Variants in KCNH1 observed in about 807,000 individuals in gnomAD.
The protein encoded by KCNH1 is potassium voltage-gated channel subfamily H member 1.
In KCNH1, 27 loss-of-function variants were observed where a neutral mutation model predicts 69.2. That is an observed-to-expected ratio of 0.39 (90% CI 0.29 to 0.54). The LOEUF is 0.54. Among genes scored for constraint, KCNH1 ranks in the 20% least tolerant of loss-of-function variants. The probability of loss-of-function intolerance (pLI) is 0.68; values close to 1 mark genes in which losing one functional copy is unlikely to be tolerated. For synonymous variants in KCNH1, 456 were observed against 487.7 expected (o/e 0.93, Z 0.86); for missense variants, 798 against 1,261.6 (o/e 0.63, Z 5.57).
chr1:210,734,581 G>A lies in KCNH1; in HGVS notation c.2112+40767C>T, dbSNP rs140456073. Among the ~76,000 whole-genome samples the A allele has an allele frequency of 3.3e-5, 5 of 152,220 alleles. No homozygotes were observed. In the East Asian group the frequency reaches 9.7e-4, roughly 29 times the overall value. On this transcript the variant is annotated intron_variant, in intron 10 of 10. Transcript: ENST00000271751. ...GCCACCCCCCACCAAAACCTTTGGG[G>A]AAAACAGATGCTCCAGGAAGCAGCA... is the stretch of plus-strand genomic sequence containing the variant.
Position 210,999,425 on chromosome 1 carries a change from A to G in KCNH1, c.1032+19358T>C, listed in dbSNP as rs1339084034. ...ACTAGAAAATTTAGAAGAAATGGAT[A>G]AATTCCTGGACACATACACCCTCCC... On this transcript the variant is annotated intron_variant, in intron 6 of 10. Coordinates refer to ENST00000271751, the MANE Select transcript of KCNH1 (RefSeq NM_172362.3). 4.6e-5 allele frequency among the ~76,000 whole-genome samples: 7 copies of G among 152,222 alleles called. No homozygotes were observed. The East Asian group carries it at 1.3e-3, about 29-fold the overall frequency.
chr1:211,110,157 A>G (rs377472153), intron 1 of KCNH1, among the ~76,000 whole-genome samples: 2 of 152,198 alleles, frequency 1.3e-5, no homozygotes, highest in Non-Finnish European at 2.9e-5. Context: ...ATGTGAGTGT[A>G]TAATGAAGAT....
At position 210,683,616 on chromosome 1, in the gene KCNH1, AGTCT is replaced by A; in HGVS notation, c.2631_2634del (p.Asp878ArgfsTer51). The stretch of plus-strand genomic sequence containing the variant: ...CTCTTGGTGATGCCACTGTCACACG[AGTCT>A]GTCTTCTTCAGTGTGGCCTCGCCTG... On this transcript the variant is annotated frameshift_variant, in exon 11 of 11. Coordinates refer to ENST00000271751, the MANE Select transcript of KCNH1 (RefSeq NM_172362.3). LOFTEE classifies it low-confidence loss of function (END_TRUNC). The surrounding 1 kb of genome is among the most constrained non-coding windows in gnomAD (Gnocchi z 5.7). 6.2e-7 allele frequency: 1 copy of A among 1,614,002 alleles called. No individual in the cohort carries two copies. The highest frequency in any genetic ancestry group is 8.5e-7 in the Non-Finnish European group (1 of 1,179,998).
chr1:210,847,730 T>C (rs1046155136), intron 7 of KCNH1, among the ~76,000 whole-genome samples: 6 of 150,386 alleles, frequency 4.0e-5, no homozygotes, highest in Non-Finnish European at 7.4e-5. Flanking sequence ...TAAAGTATAA[T>C]AATAATAAAA....
At chr1:211,118,432 C>A (rs187178664) in intron 1 of KCNH1, among the ~76,000 whole-genome samples, 1 of 152,290 alleles carries the variant, frequency 6.6e-6, no homozygotes, top group African/African-American at 2.4e-5. Context: ...TCTGAAAGTT[C>A]CCCTGCGTCC....
At chr1:211,112,114 C>T (rs974021885) in intron 1 of KCNH1, among the ~76,000 whole-genome samples, 9 of 135,240 alleles carry the variant, frequency 6.7e-5, no homozygotes, top group Non-Finnish European at 1.3e-4. Flanking sequence ...CGCCTCTGCC[C>T]AGCCACCTCA....
At chr1:210,785,358 T>C (rs911588023) in intron 9 of KCNH1, among the ~76,000 whole-genome samples, 1 of 152,112 alleles carries the variant, frequency 6.6e-6, no homozygotes, top group African/African-American at 2.4e-5. Flanking sequence ...ACTAAACTTC[T>C]TGGTAGTCTT....
chr1:210,940,399 G>T (rs1251435966), intron 6 of KCNH1, among the ~76,000 whole-genome samples: 2 of 152,200 alleles, frequency 1.3e-5, no homozygotes, highest in Non-Finnish European at 2.9e-5. Flanking sequence ...TGTGCATCAA[G>T]AAGATTTTCT....
chr1:210,728,519 GA>G (rs1328051630), intron 10 of KCNH1, among the ~76,000 whole-genome samples: 2 of 152,134 alleles, frequency 1.3e-5, no homozygotes, highest in African/African-American at 2.4e-5. Flanking sequence ...TGATGACATG[GA>G]AATCTTAAAT....
chr1:210,866,336 A>G (rs1686109087), intron 7 of KCNH1, among the ~76,000 whole-genome samples: 1 of 152,198 alleles, frequency 6.6e-6, no homozygotes, highest in Admixed American at 6.5e-5. Flanking sequence ...TGCAACCCAC[A>G]GACTCGCAGA....
intron 6 of KCNH1, among the ~76,000 whole-genome samples, chr1:210,967,257 G>A (rs1688424934): frequency 6.6e-6 from 1 of 152,062 alleles, no homozygotes; most frequent in African/African-American, 2.4e-5. Context: ...AGCCACCATG[G>A]CATGTGTATA....
intron 1 of KCNH1, among the ~76,000 whole-genome samples, chr1:211,123,525 C>T (rs149203882): frequency 5.1e-4 from 77 of 152,130 alleles, no homozygotes; most frequent in African/African-American, 1.5e-3. Context: ...AGCAAAGAGA[C>T]ATGGACAGTG....
rs1034195031 is a variant in KCNH1 at position 210,823,681 on chromosome 1, A to G, written c.1463-19515T>C. On this transcript the variant is annotated intron_variant, in intron 7 of 10. Coordinates refer to ENST00000271751, the MANE Select transcript of KCNH1 (RefSeq NM_172362.3). ...GTCATTAAATCCTCACAACAATCCT[A>G]TATAGAAGGTGCTATTATTATCATC... Among the ~76,000 whole-genome samples the G allele has an allele frequency of 2.0e-5, 3 of 152,324 alleles. No individual in the cohort carries two copies. In the East Asian group the frequency reaches 5.8e-4, roughly 29 times the overall value.
At chr1:211,062,550 A>C (rs1273174263) in intron 5 of KCNH1, among the ~76,000 whole-genome samples, 3 of 152,296 alleles carry the variant, frequency 2.0e-5, no homozygotes, top group African/African-American at 4.8e-5. Context: ...AAATATTTGC[A>C]AACTATCCCT....
intron 10 of KCNH1, among the ~76,000 whole-genome samples, chr1:210,722,501 G>A (rs1682494996): frequency 6.6e-6 from 1 of 152,166 alleles, no homozygotes; most frequent in Non-Finnish European, 1.5e-5. Context: ...GTGCCCCTGG[G>A]AGCAGGGGAT....
chr1:210,847,270 C>G (rs1472642209), intron 7 of KCNH1, among the ~76,000 whole-genome samples: 1 of 152,168 alleles, frequency 6.6e-6, no homozygotes, highest in Non-Finnish European at 1.5e-5. Flanking sequence ...GCTATAAAGA[C>G]ACATGCACAC....
chr1:210,868,309 A>C (rs1034076248), intron 7 of KCNH1, among the ~76,000 whole-genome samples: 22 of 151,942 alleles, frequency 1.4e-4, no homozygotes, highest in African/African-American at 5.3e-4. Flanking sequence ...ATTGAGTTGT[A>C]TAAGTTTTTT....
chr1:210,853,959 A>AAAAAAAAAAG, intron 7 of KCNH1, among the ~76,000 whole-genome samples: 1 of 149,432 alleles, frequency 6.7e-6, no homozygotes, highest in Non-Finnish European at 1.5e-5. Flanking sequence ...AAAAAAAAAA[A>AAAAAAAAAAG]AAAAAAAAAG....
At chr1:210,740,842 A>G (rs1344150043) in intron 10 of KCNH1, among the ~76,000 whole-genome samples, 1 of 151,868 alleles carries the variant, frequency 6.6e-6, no homozygotes, top group Non-Finnish European at 1.5e-5. Flanking sequence ...GAGGGAGGAA[A>G]GGACGGAGAA....
Sources: gnomAD v4.1 joint callset for allele counts (sites outside exome capture counted in the v4.1 genomes callset) on GRCh38, gnomAD v4.1.1 for gene constraint, Gnocchi (gnomAD v3.1) non-coding constraint, MANE v1.5 for transcripts, NCBI Gene and HGNC (gene_info 2026-07-23, HGNC 2026-07-21) for gene names.